The following RGS9 variants were observed in gnomAD, a reference collection of about 807,000 sequenced individuals.
RGS9 encodes the protein regulator of G protein signaling 9.
In RGS9, 78 loss-of-function variants were observed where a neutral mutation model predicts 102.0. That is an observed-to-expected ratio of 0.76 (90% CI 0.64 to 0.92). The LOEUF is 0.92. RGS9 is among the 40% of genes least tolerant of loss of function. The pLI is 0.00. For synonymous variants in RGS9, 353 were observed against 318.6 expected (o/e 1.11, Z -1.15); for missense variants, 833 against 866.1 (o/e 0.96, Z 0.48).
chr17:65,225,285 C>T lies in RGS9; in HGVS notation c.1691C>T (p.Ser564Phe). 1.9e-6 allele frequency: 3 copies of T among 1,608,888 alleles called. No homozygotes were observed. Among genetic ancestry groups the T allele is most frequent in the Non-Finnish European group, 2.5e-6 (3 of 1,179,914 alleles). Residue 564 changes from serine (S) to phenylalanine (F), a missense_variant, in exon 18 of 19, where the codon TCC becomes TTC. Transcript: ENST00000262406. Reference protein sequence around the residue: ...TESSEASLDTSWPRSRPRAPP... With the variant: ...TESSEASLDTFWPRSRPRAPP... Reference sequence around the variant, plus strand: ...AGCAGCGAGGCCTCCCTCGACACCTCCTGGCCTCGCAGCCGGCCCAGGGCC... The same window carrying T: ...AGCAGCGAGGCCTCCCTCGACACCTTCTGGCCTCGCAGCCGGCCCAGGGCC...
At chr17:65,141,737 G>C (rs980614848) in intron 1 of RGS9, among the ~76,000 whole-genome samples, 3 of 152,164 alleles carry the variant, frequency 2.0e-5, no homozygotes, top group Non-Finnish European at 2.9e-5. Flanking sequence ...TGGGGTCAGG[G>C]GGGATCAGGA....
chr17:65,140,217 T>C (rs1288366293), intron 1 of RGS9, among the ~76,000 whole-genome samples: 1 of 152,144 alleles, frequency 6.6e-6, no homozygotes, highest in Non-Finnish European at 1.5e-5. Context: ...TGTGGTGCAA[T>C]GCCCTGAGCT....
chr17:65,225,471 C>A lies in RGS9; in HGVS notation c.1877C>A (p.Ser626Tyr), dbSNP rs1052220399. The A allele has an allele frequency of 1.9e-6, 3 of 1,603,236 alleles. No homozygotes were observed. In the African/African-American group the frequency reaches 4.0e-5, roughly 21 times the overall value. Residue 626 changes from serine to tyrosine, a missense_variant, in exon 18 of 19, where the codon TCC becomes TAC. Ser to Tyr is a moderately radical substitution (Grantham distance 144, BLOSUM62 -2). This residue lies in a region of RGS9 where 320 missense variants were observed against 276.8 expected (regional missense o/e 1.16). Coordinates refer to ENST00000262406, the MANE Select transcript of RGS9 (RefSeq NM_003835.4). ...GGCCAGCAGCTGCCACGATTGAAAT[C>A]CAAGAGAGTAGCAAAGTAAGAACCC... ...DVGQQLPRLK[S>Y]KRVANFFQIK...
chr17:65,202,191 G>A (rs1455442500), intron 14 of RGS9, 111 bp downstream of exon 14: 3 of 740,370 alleles, frequency 4.1e-6, no homozygotes, highest in East Asian at 5.4e-5. Context: ...AGCTGGCTGG[G>A]CCCTGGTCAG....
At chr17:65,186,637 T>C (rs1178607254) in intron 9 of RGS9, among the ~76,000 whole-genome samples, 1 of 152,228 alleles carries the variant, frequency 6.6e-6, no homozygotes, top group East Asian at 1.9e-4. Context: ...TTTGTGTTTC[T>C]CAACAATCGC....
chr17:65,208,015 G>A lies in RGS9; in HGVS notation c.1289+8G>A. 1.3e-6 allele frequency: 2 copies of A among 1,594,298 alleles called. No individual in the cohort carries two copies. The highest frequency in any genetic ancestry group is 1.1e-5 in the South Asian group (1 of 90,590). On this transcript the variant is annotated splice_region_variant and intron_variant, in intron 16 of 18. Transcript: ENST00000262406. ...GGAAACCACCAAGAAAAGGCAAGTG[G>A]AATTATCTGTAATTGCTGGCTGCCT...
intron 13 of RGS9, among the ~76,000 whole-genome samples, chr17:65,197,853 TAGAGATGGGGTTTCAC>T (rs1251763915): frequency 1.3e-5 from 2 of 151,732 alleles, no homozygotes; most frequent in Non-Finnish European, 2.9e-5. Context: ...GTATTTTGAG[TAGAGATGGGGTTTCAC>T]CATATTGGCC....
intron 16 of RGS9, among the ~76,000 whole-genome samples, chr17:65,208,337 T>C (rs1336807522): frequency 6.6e-6 from 1 of 152,170 alleles, no homozygotes; most frequent in African/African-American, 2.4e-5. Context: ...TCCAAACTGA[T>C]GTATGGGAAT....
chr17:65,197,366 C>T, intron 13 of RGS9, 125 bp downstream of exon 13: 1 of 714,528 alleles, frequency 1.4e-6, no homozygotes, highest in Middle Eastern at 3.5e-4. Context: ...TGCCCTTAAA[C>T]AGTTGCTTCC....
chr17:65,176,256 A>G (rs1450527452), intron 8 of RGS9, among the ~76,000 whole-genome samples: 1 of 152,232 alleles, frequency 6.6e-6, no homozygotes, highest in Non-Finnish European at 1.5e-5. Flanking sequence ...GAACTAACAG[A>G]GATTACAGTC....
intron 8 of RGS9, among the ~76,000 whole-genome samples, chr17:65,169,338 T>A (rs919365094): frequency 6.6e-6 from 1 of 152,204 alleles, no homozygotes; most frequent in Non-Finnish European, 1.5e-5. Flanking sequence ...GCTTCAGGGT[T>A]TCTCCTCTAG....
At chr17:65,154,035 A>C (rs1391390706) in intron 2 of RGS9, among the ~76,000 whole-genome samples, 1 of 152,188 alleles carries the variant, frequency 6.6e-6, no homozygotes, top group Non-Finnish European at 1.5e-5. Context: ...GGCCAGGCAC[A>C]GTGGCTTACA....
At chr17:65,172,004 G>A (rs1477305174) in intron 8 of RGS9, among the ~76,000 whole-genome samples, 1 of 152,136 alleles carries the variant, frequency 6.6e-6, no homozygotes, top group Non-Finnish European at 1.5e-5. Flanking sequence ...AATGACCCTT[G>A]TTTCAACCAC....
At chr17:65,162,224 C>T (rs1460341164) in intron 6 of RGS9, among the ~76,000 whole-genome samples, 1 of 151,780 alleles carries the variant, frequency 6.6e-6, no homozygotes. Flanking sequence ...GACCCTATCT[C>T]TACAAAAGAT....
At chr17:65,226,711 C>G (rs921168530) in intron 18 of RGS9, among the ~76,000 whole-genome samples, 1 of 151,730 alleles carries the variant, frequency 6.6e-6, no homozygotes, top group African/African-American at 2.4e-5. Context: ...CTCCCAGGTT[C>G]CAGCAATTCT....
intron 7 of RGS9, among the ~76,000 whole-genome samples, chr17:65,166,801 T>C (rs1466533277): frequency 2.6e-5 from 4 of 152,164 alleles, no homozygotes; most frequent in African/African-American, 9.7e-5. Context: ...AGGGGCTAGT[T>C]AATGTGGTAG....
At chr17:65,170,457 G>A (rs955010003) in intron 8 of RGS9, among the ~76,000 whole-genome samples, 4 of 152,122 alleles carry the variant, frequency 2.6e-5, no homozygotes, top group African/African-American at 9.7e-5. Flanking sequence ...CTGCTAATTT[G>A]CCCAAAGTTA....
intron 9 of RGS9, among the ~76,000 whole-genome samples, chr17:65,182,962 C>T (rs1385699944): frequency 6.6e-6 from 1 of 152,210 alleles, no homozygotes; most frequent in Non-Finnish European, 1.5e-5. Flanking sequence ...TCTACCTCTA[C>T]TTGATGAGGT....
In RGS9 at chr17:65,225,221, A is replaced by G; in HGVS notation, c.1627A>G (p.Ser543Gly). The G allele has an allele frequency of 6.2e-7, 1 of 1,612,310 alleles. No individual in the cohort carries two copies. Among genetic ancestry groups the G allele is most frequent in the South Asian group, 1.1e-5 (1 of 91,068 alleles). Residue 543 changes from serine to glycine, a missense_variant, in exon 18 of 19, where the codon AGC becomes GGC. By Grantham distance (56) the Ser-to-Gly change is moderately conservative. Coordinates refer to ENST00000262406, the MANE Select transcript of RGS9 (RefSeq NM_003835.4). The stretch of plus-strand genomic sequence containing the variant: ...GGGCTTGGAGCAGAAAGGGGAGTGC[A>G]GCGGGTCCATGGCCCCCCGTGGGCC... ...SSGLEQKGEC[S>G]GSMAPRGPSV...
Sources: allele counts gnomAD v4.1 joint callset (sites outside exome capture counted in the v4.1 genomes callset), GRCh38; gene constraint gnomAD v4.1.1; regional missense constraint gnomAD v4.1.1; transcripts MANE v1.5; gene names NCBI Gene and HGNC (gene_info 2026-07-23, HGNC 2026-07-21).